The following EPHA7 variants were observed in gnomAD, a reference collection of about 807,000 sequenced individuals.
EPHA7 encodes ephrin type-A receptor 7.
A neutral mutation model predicts 112.6 loss-of-function variants in EPHA7; 25 were observed. That is an observed-to-expected ratio of 0.22 (90% confidence interval 0.16 to 0.31). The LOEUF (loss-of-function observed/expected upper bound fraction) is 0.31. Ranked by LOEUF, EPHA7 falls within the 10% of genes least tolerant of loss-of-function variation. The probability of loss-of-function intolerance (pLI) is 1.00; values close to 1 mark genes in which losing one functional copy is unlikely to be tolerated. For synonymous variants in EPHA7, 437 were observed against 406.5 expected, an observed-to-expected ratio of 1.07 and a Z score of -0.90; for missense variants, 962 against 1,212.6, an observed-to-expected ratio of 0.79 and a Z score of 3.07.
chr6:93,270,262 G>T (rs945530247), intron 6 of EPHA7, among the ~76,000 whole-genome samples: 1 of 151,242 alleles, frequency 6.6e-6, no homozygotes, highest in African/African-American at 2.4e-5. Context: ...TTTATGGTTT[G>T]AAAATATTTT....
intron 3 of EPHA7, among the ~76,000 whole-genome samples, chr6:93,391,043 T>A (rs533052749): frequency 1.3e-5 from 2 of 152,094 alleles, no homozygotes; most frequent in South Asian, 4.1e-4. Context: ...TACATTCCCA[T>A]CAGTTTAATC....
chr6:93,419,311 T>A lies in EPHA7; in HGVS notation c.31A>T (p.Ile11Phe). Reference sequence around the variant, plus strand: ...AGCAGCCAGATGTAGCATAAAATAATCCATGAAGGGTACCGAGTTTGAAAA... The same window carrying A: ...AGCAGCCAGATGTAGCATAAAATAAACCATGAAGGGTACCGAGTTTGAAAA... Reference protein sequence around the residue: MVFQTRYPSWIILCYIWLLRF... With the variant: MVFQTRYPSWFILCYIWLLRF... The change falls in exon 1 of 17, where the codon ATT becomes TTT. Residue 11 changes from isoleucine to phenylalanine, a missense_variant. Physicochemically the swap from Ile to Phe is conservative, Grantham distance 21. Around this residue, in one of 3 missense-constraint regions of EPHA7, gnomAD observed 56 missense variants for 59.9 expected, o/e 0.94. Transcript: ENST00000369303. 1.2e-6 allele frequency: 2 copies of A among 1,614,140 alleles called. No homozygotes were observed. The highest frequency in any genetic ancestry group is 1.7e-6 in the Non-Finnish European group (2 of 1,179,976).
intron 3 of EPHA7, among the ~76,000 whole-genome samples, chr6:93,360,589 C>T (rs573350472): frequency 1.3e-5 from 2 of 152,176 alleles, no homozygotes; most frequent in African/African-American, 4.8e-5. Flanking sequence ...TCTCATTCTC[C>T]CATTGCAAAT....
At chr6:93,341,932 A>T (rs780328625) in intron 5 of EPHA7, among the ~76,000 whole-genome samples, 35 of 151,862 alleles carry the variant, frequency 2.3e-4, no homozygotes, top group Non-Finnish European at 4.1e-4. Context: ...ATTCATAGGC[A>T]TACTTTCAAG....
At chr6:93,315,035 T>C (rs576536718) in intron 5 of EPHA7, among the ~76,000 whole-genome samples, 13 of 150,246 alleles carry the variant, frequency 8.7e-5, no homozygotes, top group Non-Finnish European at 1.6e-4. Flanking sequence ...GCTAATTTTT[T>C]GTATTTTTAG....
At chr6:93,253,474 TAAAA>T (rs1770306033) in intron 14 of EPHA7, among the ~76,000 whole-genome samples, 1 of 151,974 alleles carries the variant, frequency 6.6e-6, no homozygotes, top group Admixed American at 6.6e-5. Flanking sequence ...GTTAGTTGTC[TAAAA>T]ATCACTACTG....
At chr6:93,269,342 C>A in intron 7 of EPHA7, 135 bp downstream of exon 7, 1 of 618,916 alleles carries the variant, frequency 1.6e-6, no homozygotes, top group Non-Finnish European at 2.5e-6. Flanking sequence ...TTACAAAGTA[C>A]ATTTATATGT....
intron 5 of EPHA7, among the ~76,000 whole-genome samples, chr6:93,308,010 T>C (rs1773343857): frequency 6.6e-6 from 1 of 152,192 alleles, no homozygotes; most frequent in South Asian, 2.1e-4. Flanking sequence ...AATATGATCC[T>C]GAGTTGCTGT....
intron 5 of EPHA7, among the ~76,000 whole-genome samples, chr6:93,292,281 A>G (rs752564438): frequency 9.2e-5 from 14 of 152,156 alleles, no homozygotes; most frequent in Non-Finnish European, 2.1e-4. Context: ...TTGCATATCA[A>G]TAGGGAACAT....
chr6:93,348,867 T>C (rs1418730609), intron 5 of EPHA7, among the ~76,000 whole-genome samples: 1 of 131,614 alleles, frequency 7.6e-6, no homozygotes, highest in East Asian at 2.3e-4. Flanking sequence ...CTAGAGAGTA[T>C]GATCAAAGGT....
At chr6:93,256,826 T>G (rs1045370311) in intron 12 of EPHA7, among the ~76,000 whole-genome samples, 3 of 152,158 alleles carry the variant, frequency 2.0e-5, no homozygotes, top group Non-Finnish European at 4.4e-5. Flanking sequence ...TAAATATGAT[T>G]CTAGATCATA....
chr6:93,371,783 C>T (rs1296914788), intron 3 of EPHA7, among the ~76,000 whole-genome samples: 1 of 152,044 alleles, frequency 6.6e-6, no homozygotes, highest in Non-Finnish European at 1.5e-5. Context: ...TTACATCTTC[C>T]TAATTAATTA....
chr6:93,276,865 C>A (rs1771497058), intron 5 of EPHA7, among the ~76,000 whole-genome samples: 1 of 151,980 alleles, frequency 6.6e-6, no homozygotes, highest in African/African-American at 2.4e-5. Context: ...ATTTTTTCTA[C>A]ATTTACATGT....
intron 3 of EPHA7, among the ~76,000 whole-genome samples, chr6:93,367,536 T>C (rs974296109): frequency 6.6e-6 from 1 of 152,138 alleles, no homozygotes; most frequent in African/African-American, 2.4e-5. Flanking sequence ...ACATTGTCAG[T>C]CTCACTATAT....
intron 9 of EPHA7, chr6:93,260,703 G>A: frequency 1.0e-6 from 1 of 979,154 alleles, no homozygotes; most frequent in Non-Finnish European, 1.2e-6. Flanking sequence ...GTAGTTGATT[G>A]TTTATCCAAA....
At chr6:93,326,679 C>T (rs760142177) in intron 5 of EPHA7, among the ~76,000 whole-genome samples, 2 of 151,316 alleles carry the variant, frequency 1.3e-5, no homozygotes, top group African/African-American at 2.4e-5. Context: ...TAGCATATGA[C>T]GTGTTTGGAC....
chr6:93,342,279 CTCA>C (rs1368105864), intron 5 of EPHA7, among the ~76,000 whole-genome samples: 1 of 149,140 alleles, frequency 6.7e-6, no homozygotes, highest in African/African-American at 2.4e-5. Flanking sequence ...CTGTCCTATC[CTCA>C]TCATGATACC....
intron 9 of EPHA7, chr6:93,260,568 T>C (rs1302752484): frequency 2.1e-6 from 2 of 959,912 alleles, no homozygotes; most frequent in Non-Finnish European, 2.5e-6. Flanking sequence ...TCTTTATATA[T>C]TACACTGCAG....
At chr6:93,390,664 AAGGGTGTTCATTATACTATT>A (rs1777860438) in intron 3 of EPHA7, among the ~76,000 whole-genome samples, 1 of 151,762 alleles carries the variant, frequency 6.6e-6, no homozygotes, top group African/African-American at 2.4e-5. Flanking sequence ...TGAAGACCAT[AAGGGTGTTCATTATACTATT>A]CTATTTTCCT....
Sources: gnomAD v4.1 joint callset for allele counts (sites outside exome capture counted in the v4.1 genomes callset) on GRCh38, gnomAD v4.1.1 for gene constraint, gnomAD v4.1.1 regional missense constraint, MANE v1.5 for transcripts, NCBI Gene and HGNC (gene_info 2026-07-23, HGNC 2026-07-21) for gene names.